The following ST6GALNAC4 variants were observed in gnomAD, a reference collection of about 807,000 sequenced individuals.
ST6GALNAC4 encodes the protein ST6 N-acetylgalactosaminide alpha-2,6-sialyltransferase 4.
ST6GALNAC4 carries 24 observed loss-of-function variants against 30.4 expected under a neutral mutation model. The observed-to-expected ratio is 0.79, with a 90% CI of 0.57 to 1.11. The LOEUF (loss-of-function observed/expected upper bound fraction) is 1.11, where lower values mean the gene tolerates loss of function less well. Ranked by LOEUF, ST6GALNAC4 falls within the 50% of genes most tolerant of loss-of-function variation. The pLI is 0.00. For synonymous variants in ST6GALNAC4, 156 were observed against 179.7 expected (o/e 0.87, Z 1.05); for missense variants, 365 against 430.1 (o/e 0.85, Z 1.34).
In ST6GALNAC4 at chr9:127,914,841, C is replaced by G; in HGVS notation, c.13G>C (p.Gly5Arg). The change falls in exon 3 of 6, where the codon GGT (glycine) becomes CGT (arginine). Residue 5 changes from glycine to arginine, a missense_variant and splice_region_variant. Coordinates refer to ENST00000335791, the MANE Select transcript of ST6GALNAC4 (RefSeq NM_175039.4). MKAP[G>R]RLVLIILCSV... The stretch of plus-strand genomic sequence containing the variant: ...CACAGGATGATGAGCACGAGCCGAC[C>G]CTGAGGGAGACAGTGGCCATGGGGG... 6.7e-7 allele frequency: 1 copy of G among 1,485,240 alleles called. No homozygotes were observed. 92.0% of individuals were successfully genotyped at this position (1,485,240 alleles called of 1,614,324 possible). A position where few individuals can be genotyped will look rare whatever the true frequency, so the allele number is the denominator to read the frequency against.
chr9:127,908,263 C>T lies in ST6GALNAC4; in HGVS notation c.*129G>A, dbSNP rs1197771843. The stretch of plus-strand genomic sequence containing the variant: ...GTCGCCAGAATGGGGCGGGAAGGAA[C>T]CTTAGGTCCACCCAGCACGTGGCAG... On this transcript the variant is annotated 3_prime_UTR_variant, in exon 6 of 6. Coordinates refer to ENST00000335791, the MANE Select transcript of ST6GALNAC4 (RefSeq NM_175039.4). The T allele has an allele frequency of 4.4e-6, 4 of 902,566 alleles. No individual in the cohort carries two copies. The highest frequency in any genetic ancestry group is 5.3e-5 in the South Asian group (2 of 37,978). 55.9% of individuals were successfully genotyped at this position (902,566 alleles called of 1,614,324 possible). A position where few individuals can be genotyped will look rare whatever the true frequency, so the allele number is the denominator to read the frequency against.
chr9:127,916,557 G>A (rs1831199421), intron 1 of ST6GALNAC4, 63 bp from the exon 2 acceptor site: 1 of 992,648 alleles, frequency 1.0e-6, no homozygotes, highest in African/African-American at 1.6e-5. Flanking sequence ...AAGCTATAGG[G>A]AAAACTGAGG....
At position 127,910,063 on chromosome 9, in the gene ST6GALNAC4, G is replaced by A; in HGVS notation, c.612-5C>T. 2 of 1,612,868 alleles carry A rather than the reference G, an allele frequency of 1.2e-6. No individual in the cohort carries two copies. Among genetic ancestry groups the A allele is most frequent in the Non-Finnish European group, 8.5e-7 (1 of 1,179,710 alleles). ...AGGAAGGAGCCCGACTGCCTCCTGG[G>A]GGTGGCGGGGGGACAGGGGGACGCT... On this transcript the variant is annotated splice_polypyrimidine_tract_variant and splice_region_variant and intron_variant, in intron 4 of 5. Transcript: ENST00000335791.
At position 127,910,018 on chromosome 9, in the gene ST6GALNAC4, T is replaced by C. The variant is rs373812428; in HGVS notation, c.652A>G (p.Met218Val). The C allele has an allele frequency of 1.4e-5, 23 of 1,613,394 alleles. No individual in the cohort carries two copies. The highest frequency in any genetic ancestry group is 1.9e-5 in the Non-Finnish European group (23 of 1,179,956). Residue 218 changes from methionine to valine, a missense_variant, in exon 5 of 6, where the codon ATG becomes GTG. Coordinates refer to ENST00000335791, the MANE Select transcript of ST6GALNAC4 (RefSeq NM_175039.4). ...TCACACAGCTCCAGCGCGAGGATCA[T>C]GGTGAACCAGCCGGTGCTGAGGAAG... ...GSFLSTGWFT[M>V]ILALELCEEI...
At chr9:127,910,082 G>C in intron 4 of ST6GALNAC4, 24 bp from the exon 5 acceptor site, 1 of 1,610,740 alleles carries the variant, frequency 6.2e-7, no homozygotes, top group Non-Finnish European at 8.5e-7. Flanking sequence ...GGGGACAGGG[G>C]GACGCTGTCA....
chr9:127,910,163 C>A, intron 4 of ST6GALNAC4, 105 bp from the exon 5 acceptor site: 1 of 1,461,796 alleles, frequency 6.8e-7, no homozygotes, highest in Non-Finnish European at 9.1e-7. Context: ...CTATGCACCT[C>A]AACCTCTTGC....
intron 4 of ST6GALNAC4, chr9:127,910,650 C>T (rs1831055746): frequency 5.1e-6 from 5 of 982,028 alleles, no homozygotes; most frequent in Admixed American, 6.1e-5. Context: ...AGCCTCAGCT[C>T]CCTGGAGGCA....
In ST6GALNAC4 at chr9:127,912,449, G is replaced by A. The variant is rs756803578; in HGVS notation, c.430C>T (p.Arg144Ter). 8.7e-6 allele frequency: 14 copies of A among 1,613,968 alleles called. No homozygotes were observed. The highest frequency in any genetic ancestry group is 2.2e-5 in the South Asian group (2 of 91,072). ...CCCCACACCATGTAGAGCGTGTCTCGGGCCTTCTGGAAGTAGTGTGAATAG... is the reference window on the plus strand; with the variant it reads ...CCCCACACCATGTAGAGCGTGTCTCAGGCCTTCTGGAAGTAGTGTGAATAG... Reference protein sequence around the residue: ...RNYSHYFQKARDTLYMVWGQG... With the variant: ...RNYSHYFQKA The change falls in exon 4 of 6, where the codon CGA (arginine) becomes TGA (stop). Residue 144 changes from arginine to a stop codon, truncating the protein, a stop_gained. Transcript: ENST00000335791. LOFTEE classifies it high-confidence loss of function.
At chr9:127,912,733 A>AC in intron 3 of ST6GALNAC4, 53 bp from the exon 4 acceptor site, 1 of 1,473,956 alleles carries the variant, frequency 6.8e-7, no homozygotes, top group Non-Finnish European at 9.0e-7. Context: ...CGCAGCTTAC[A>AC]CCCCCTGCAG....
chr9:127,914,652 T>TCACCTTC lies in ST6GALNAC4; in HGVS notation c.195_198+3dup, dbSNP rs1247535593. The TCACCTTC allele has an allele frequency of 6.2e-7, 1 of 1,605,110 alleles. No homozygotes were observed. The highest frequency in any genetic ancestry group is 1.1e-5 in the South Asian group (1 of 89,766). ...ACCCCGGATGCATTGCCTGGCCCAC[T>TCACCTTC]CACCTTCCCATCTGGCACACTGCTA... On this transcript the variant is annotated splice_donor_region_variant and intron_variant, in intron 3 of 5. Transcript: ENST00000335791.
intron 1 of ST6GALNAC4, 147 bp downstream of exon 1, chr9:127,916,679 G>A (rs967245693): frequency 1.7e-6 from 1 of 571,736 alleles, no homozygotes; most frequent in African/African-American, 1.9e-5. Flanking sequence ...AGGAATCAGC[G>A]ACGTTTGCGA....
intron 2 of ST6GALNAC4, among the ~76,000 whole-genome samples, chr9:127,915,707 T>C (rs766251020): frequency 1.3e-5 from 2 of 152,174 alleles, no homozygotes; most frequent in Non-Finnish European, 2.9e-5. Context: ...AACTGTGGGC[T>C]AGTCACTGGG....
chr9:127,911,360 G>A (rs1688791545), intron 4 of ST6GALNAC4, among the ~76,000 whole-genome samples: 1 of 152,250 alleles, frequency 6.6e-6, no homozygotes, highest in African/African-American at 2.4e-5. Context: ...CCAGTGGAGA[G>A]CAGGTGTGTG....
At chr9:127,909,746 C>T (rs1831031164) in intron 5 of ST6GALNAC4, among the ~76,000 whole-genome samples, 1 of 152,168 alleles carries the variant, frequency 6.6e-6, no homozygotes, top group African/African-American at 2.4e-5. Context: ...GTGACCACAA[C>T]AGCCACACTG....
chr9:127,913,191 G>A (rs1831118723), intron 3 of ST6GALNAC4, among the ~76,000 whole-genome samples: 1 of 152,254 alleles, frequency 6.6e-6, no homozygotes, highest in Non-Finnish European at 1.5e-5. Flanking sequence ...CCCTGGTCCT[G>A]AGCCTGAATC....
chr9:127,915,764 T>G (rs1564504784), intron 2 of ST6GALNAC4, among the ~76,000 whole-genome samples: 1 of 152,092 alleles, frequency 6.6e-6, no homozygotes, highest in Non-Finnish European at 1.5e-5. Context: ...GGCTCCAGGT[T>G]TCTAGACTCG....
chr9:127,908,360 C>A lies in ST6GALNAC4; in HGVS notation c.*32G>T. The A allele has an allele frequency of 6.6e-7, 1 of 1,508,978 alleles. No homozygotes were observed. The highest frequency in any genetic ancestry group is 1.3e-5 in the South Asian group (1 of 74,652). 93.5% of individuals were successfully genotyped at this position (1,508,978 alleles called of 1,614,324 possible). ...GGGATGGGACATCCCGGAGGCCTCG[C>A]AACGGCATGGCGACTGGCAGGACGA... is the stretch of plus-strand genomic sequence containing the variant. On this transcript the variant is annotated 3_prime_UTR_variant, in exon 6 of 6. Transcript: ENST00000335791.
At chr9:127,913,036 A>G (rs1364916878) in intron 3 of ST6GALNAC4, among the ~76,000 whole-genome samples, 7 of 152,356 alleles carry the variant, frequency 4.6e-5, no homozygotes, top group Middle Eastern at 6.8e-3. Flanking sequence ...ACTGGAGGTC[A>G]TATAAGTATT....
chr9:127,914,490 CAAAA>C (rs60857050), intron 3 of ST6GALNAC4, among the ~76,000 whole-genome samples, 162 bp downstream of exon 3: 6 of 50,120 alleles, frequency 1.2e-4, no homozygotes, highest in African/African-American at 1.8e-4. Context: ...GACTCCGTCT[CAAAA>C]AAAAAAAAAA....
Sources: allele counts gnomAD v4.1 joint callset (sites outside exome capture counted in the v4.1 genomes callset), GRCh38; gene constraint gnomAD v4.1.1; transcripts MANE v1.5; gene names NCBI Gene and HGNC (gene_info 2026-07-23, HGNC 2026-07-21).